Variants in DIP2C observed in about 807,000 individuals in gnomAD.
The protein encoded by DIP2C is DIP2 acetate--CoA ligase C (putative), also known as disco-interacting protein 2 homolog C.
DIP2C carries 33 observed loss-of-function variants against 192.4 expected under a neutral mutation model. The ratio of observed to expected loss-of-function variants is 0.17; its 90% CI spans 0.13 to 0.23. The LOEUF is 0.23. Among genes scored for constraint, DIP2C ranks in the 10% least tolerant of loss-of-function variants. The pLI is 1.00. For synonymous variants in DIP2C, 979 were observed against 864.1 expected (o/e 1.13, Z -2.33); for missense variants, 1,537 against 2,110.1 (o/e 0.73, Z 5.32).
At chr10:512,712 G>C (rs1302166322) in intron 1 of DIP2C, among the ~76,000 whole-genome samples, 1 of 152,012 alleles carries the variant, frequency 6.6e-6, no homozygotes. Flanking sequence ...TCAGGAGTTT[G>C]AGACCAGCCT....
chr10:317,024 GA>G (rs1956805247), intron 31 of DIP2C, among the ~76,000 whole-genome samples: 1 of 152,146 alleles, frequency 6.6e-6, no homozygotes, highest in Non-Finnish European at 1.5e-5. Flanking sequence ...GTTATGGTTG[GA>G]ACAAGAGTCT....
At chr10:571,282 G>A (rs907656889) in intron 1 of DIP2C, among the ~76,000 whole-genome samples, 1 of 152,180 alleles carries the variant, frequency 6.6e-6, no homozygotes, top group Admixed American at 6.5e-5. Flanking sequence ...CACATCTCAG[G>A]TCAGCAACAG....
intron 32 of DIP2C, 127 bp downstream of exon 32, chr10:309,904 T>G: frequency 5.1e-5 from 47 of 917,266 alleles, no homozygotes; most frequent in Non-Finnish European, 7.0e-5. Flanking sequence ...ACTTCACTCA[T>G]GAGACAGTTA....
chr10:425,140 G>A (rs7918197), intron 4 of DIP2C, among the ~76,000 whole-genome samples: 3 of 4,408 alleles, frequency 6.8e-4, no homozygotes, highest in African/African-American at 5.9e-4. Flanking sequence ...AATATGACAC[G>A]GATGATACAG....
In DIP2C at chr10:546,296, TAAC is replaced by T. The variant is rs897440068; in HGVS notation, c.86-59769_86-59767del. ...GACTCTTAAAAAAAAAAAAAAAAAG[TAAC>T]AAATTTATTTTAAAATAATAAAGTC... On this transcript the variant is annotated intron_variant, in intron 1 of 36. Coordinates refer to ENST00000280886, the MANE Select transcript of DIP2C (RefSeq NM_014974.3). Among the ~76,000 whole-genome samples, 76 of 138,968 alleles carry T rather than the reference TAAC, an allele frequency of 5.5e-4. No homozygotes were observed. In the South Asian group the frequency reaches 8.9e-3, roughly 16 times the overall value. 91.2% of individuals were successfully genotyped at this position (138,968 alleles called of 152,430 possible). A position where few individuals can be genotyped will look rare whatever the true frequency, so the allele number is the denominator to read the frequency against.
chr10:333,615 G>A (rs1391649105), intron 29 of DIP2C, among the ~76,000 whole-genome samples: 1 of 152,228 alleles, frequency 6.6e-6, no homozygotes, highest in Non-Finnish European at 1.5e-5. Flanking sequence ...AAGTCTCTGA[G>A]TGGATGTTCG....
At chr10:603,027 C>T (rs61832972) in intron 1 of DIP2C, among the ~76,000 whole-genome samples, 29 of 152,196 alleles carry the variant, frequency 1.9e-4, no homozygotes, top group African/African-American at 5.5e-4. Context: ...ATCCACCCTA[C>T]GTCTTATAAA....
rs991990410 is a variant in DIP2C at position 567,922 on chromosome 10, G to A, written c.86-81392C>T. ...TGGGATTATAGGTGTGAGCAATCGC[G>A]CCTGGCCGAGAAGTGTTTGATAGAG... On this transcript the variant is annotated intron_variant, in intron 1 of 36. Coordinates refer to ENST00000280886, the MANE Select transcript of DIP2C (RefSeq NM_014974.3). Among the ~76,000 whole-genome samples, 9 of 152,286 alleles carry A rather than the reference G, an allele frequency of 5.9e-5. No individual in the cohort carries two copies. The South Asian group carries it at 6.2e-4, about 11-fold the overall frequency.
At chr10:659,139 T>G (rs974225314) in intron 1 of DIP2C, among the ~76,000 whole-genome samples, 1 of 152,184 alleles carries the variant, frequency 6.6e-6, no homozygotes, top group South Asian at 2.1e-4. Flanking sequence ...CACACAAACA[T>G]ATGTAAATGC....
intron 2 of DIP2C, among the ~76,000 whole-genome samples, chr10:477,022 C>CT (rs1188366625): frequency 0.031 from 5 of 162 alleles, no homozygotes; most frequent in Non-Finnish European, 0.038. Flanking sequence ...CCATTTAAAT[C>CT]CAAACGTCAG....
intron 8 of DIP2C, among the ~76,000 whole-genome samples, chr10:411,887 T>C (rs184825693): frequency 8.6e-4 from 131 of 152,356 alleles, no homozygotes; most frequent in Non-Finnish European, 1.8e-4. Context: ...AATCTTAAAT[T>C]TGGAAATGTG....
At chr10:656,683 C>G (rs1391704642) in intron 1 of DIP2C, among the ~76,000 whole-genome samples, 1 of 152,108 alleles carries the variant, frequency 6.6e-6, no homozygotes, top group Admixed American at 6.6e-5. Flanking sequence ...TCCTACGAAA[C>G]CAGCATCCAC....
At chr10:465,566 G>C (rs914801859) in intron 3 of DIP2C, among the ~76,000 whole-genome samples, 1 of 152,014 alleles carries the variant, frequency 6.6e-6, no homozygotes, top group African/African-American at 2.4e-5. Flanking sequence ...GGAAACAAAG[G>C]GTATTCAATT....
intron 8 of DIP2C, among the ~76,000 whole-genome samples, chr10:412,002 T>C (rs979426915): frequency 6.6e-6 from 1 of 152,184 alleles, no homozygotes; most frequent in Non-Finnish European, 1.5e-5. Flanking sequence ...AAATACAACA[T>C]ATAAAGGAGT....
intron 3 of DIP2C, among the ~76,000 whole-genome samples, chr10:445,168 C>G (rs1968057352): frequency 6.6e-6 from 1 of 152,252 alleles, no homozygotes; most frequent in African/African-American, 2.4e-5. Flanking sequence ...TTTCATGGGA[C>G]CACTGGGCAT....
At chr10:560,264 G>T (rs1163842531) in intron 1 of DIP2C, among the ~76,000 whole-genome samples, 1 of 152,178 alleles carries the variant, frequency 6.6e-6, no homozygotes, top group African/African-American at 2.4e-5. Flanking sequence ...GGACAGGATG[G>T]AGGAGTCACA....
rs79558265 is a variant in DIP2C at position 680,415 on chromosome 10, C to A, written c.85+9079G>T. Among the ~76,000 whole-genome samples the A allele has an allele frequency of 7.2e-3, 1,104 of 152,282 alleles. 15 individuals carry two copies. Among genetic ancestry groups the A allele is most frequent in the African/African-American group, 0.025 (1,032 of 41,550 alleles). On this transcript the variant is annotated intron_variant, in intron 1 of 36. Coordinates refer to ENST00000280886, the MANE Select transcript of DIP2C (RefSeq NM_014974.3). ...AGCTGCTCTTCAATGTACTTGACACCCTTCCATGAGGATTAAGCTACACTG... is the reference window on the plus strand; with the variant it reads ...AGCTGCTCTTCAATGTACTTGACACACTTCCATGAGGATTAAGCTACACTG...
At position 453,354 on chromosome 10, in the gene DIP2C, G is replaced by A. The variant is rs543113549; in HGVS notation, c.269-12358C>T. 1.1e-3 allele frequency among the ~76,000 whole-genome samples: 165 copies of A among 152,302 alleles called. 1 individual carries two copies. The highest frequency in any genetic ancestry group is 3.4e-3 in the African/African-American group (142 of 41,564). ...TGAAGGTACCAGGCAGGATTGCAGC[G>A]GAGTCAACAGACATGTGTGCAAACA... On this transcript the variant is annotated intron_variant, in intron 3 of 36. Coordinates refer to ENST00000280886, the MANE Select transcript of DIP2C (RefSeq NM_014974.3).
chr10:680,482 G>A (rs1426274704), intron 1 of DIP2C, among the ~76,000 whole-genome samples: 3 of 151,226 alleles, frequency 2.0e-5, no homozygotes, highest in African/African-American at 7.3e-5. Flanking sequence ...CTAACCGTGT[G>A]GATCTGCAGC....
Sources: allele counts gnomAD v4.1 joint callset (sites outside exome capture counted in the v4.1 genomes callset), GRCh38; gene constraint gnomAD v4.1.1; transcripts MANE v1.5; gene names NCBI Gene and HGNC (gene_info 2026-07-23, HGNC 2026-07-21).